Variants in JCHAIN observed in about 807,000 individuals in gnomAD.
The protein encoded by JCHAIN is immunoglobulin J chain.
A neutral mutation model predicts 11.1 loss-of-function variants in JCHAIN; 5 were observed. The observed-to-expected ratio is 0.45, with a 90% CI of 0.24 to 0.95. The LOEUF is 0.95. Ranked by LOEUF, JCHAIN falls within the 40% of genes least tolerant of loss-of-function variation. The pLI is 0.21. For synonymous variants in JCHAIN, 51 were observed against 67.8 expected, an observed-to-expected ratio of 0.75 and a Z score of 1.22; for missense variants, 165 against 192.7, an observed-to-expected ratio of 0.86 and a Z score of 0.85.
intron 2 of JCHAIN, 115 bp downstream of exon 2, chr4:70,661,977 G>C: frequency 3.1e-6 from 3 of 969,718 alleles, no homozygotes; most frequent in Non-Finnish European, 4.8e-6. Context: ...CTCATGTAAA[G>C]TGCTACACAG....
chr4:70,658,393 A>G (rs1738995605), intron 2 of JCHAIN, among the ~76,000 whole-genome samples: 1 of 152,192 alleles, frequency 6.6e-6, no homozygotes. Context: ...CTCAAATAGC[A>G]TAGAAGGCAC....
rs145363741 is a variant in JCHAIN at position 70,666,451 on chromosome 4, A to C, written c.40T>G (p.Phe14Val). ...HLLFWGVLAV[F>V]IKAVHVKAQE... ...CCTTTCACATGAACAGCCTTAATAAAAACCGCCAGGACTCCCCAGAAAAGC... is the reference window on the plus strand; with the variant it reads ...CCTTTCACATGAACAGCCTTAATAACAACCGCCAGGACTCCCCAGAAAAGC... Residue 14 changes from phenylalanine to valine, a missense_variant, in exon 1 of 4, where the codon TTT (phenylalanine) becomes GTT (valine). Phe to Val is a conservative substitution (Grantham distance 50, BLOSUM62 -1). Transcript: ENST00000254801. The C allele has an allele frequency of 6.2e-7, 1 of 1,612,952 alleles. No homozygotes were observed. Among genetic ancestry groups the C allele is most frequent in the African/African-American group, 1.3e-5 (1 of 74,892 alleles).
At chr4:70,659,241 G>A (rs1219937354) in intron 2 of JCHAIN, among the ~76,000 whole-genome samples, 1 of 152,014 alleles carries the variant, frequency 6.6e-6, no homozygotes, top group Non-Finnish European at 1.5e-5. Flanking sequence ...AGTAAGTAAT[G>A]GAGTTGGGAA....
chr4:70,657,128 T>A (rs6834323), intron 3 of JCHAIN, 83 bp downstream of exon 3: 9,818 of 718,362 alleles, frequency 0.014, 549 homozygotes, highest in African/African-American at 0.13. Context: ...AACATATTTT[T>A]AAAAACATTC....
intron 2 of JCHAIN, 94 bp downstream of exon 2, chr4:70,661,998 A>T: frequency 8.4e-7 from 1 of 1,190,702 alleles, no homozygotes; most frequent in Non-Finnish European, 1.2e-6. Flanking sequence ...CAAAAAGGGG[A>T]GTAAAGAGGC....
intron 1 of JCHAIN, among the ~76,000 whole-genome samples, chr4:70,664,787 G>A (rs1327901881): frequency 6.6e-6 from 1 of 152,108 alleles, no homozygotes; most frequent in African/African-American, 2.4e-5. Flanking sequence ...GGAGTGACTT[G>A]ACTATTAAGT....
At chr4:70,662,261 T>TTA (rs1304835076) in intron 1 of JCHAIN, 46 bp from the exon 2 acceptor site, 1 of 1,551,302 alleles carries the variant, frequency 6.4e-7, no homozygotes, top group Non-Finnish European at 8.9e-7. Context: ...AAAGGTCAAT[T>TTA]TATATATTTT....
intron 2 of JCHAIN, 29 bp downstream of exon 2, chr4:70,662,063 G>GA (rs1223712591): frequency 1.2e-6 from 2 of 1,609,032 alleles, no homozygotes; most frequent in African/African-American, 1.3e-5. Flanking sequence ...CTTAGAACAG[G>GA]AAAAAAAGGA....
chr4:70,662,352 T>C, intron 1 of JCHAIN, 137 bp from the exon 2 acceptor site: 1 of 717,958 alleles, frequency 1.4e-6, no homozygotes, highest in East Asian at 2.7e-5. Flanking sequence ...ATTTGTTCTC[T>C]AAGCAGAATC....
At chr4:70,666,220 G>A (rs1739150443) in intron 1 of JCHAIN, among the ~76,000 whole-genome samples, 4 of 152,010 alleles carry the variant, frequency 2.6e-5, no homozygotes, top group African/African-American at 7.2e-5. Flanking sequence ...TTTGTAGTAG[G>A]CAAACAAGTA....
At chr4:70,662,672 T>A (rs775253456) in intron 1 of JCHAIN, among the ~76,000 whole-genome samples, 1 of 152,148 alleles carries the variant, frequency 6.6e-6, no homozygotes, top group Admixed American at 6.5e-5. Flanking sequence ...TTATAAGAAT[T>A]ATTTTAAGCA....
intron 2 of JCHAIN, among the ~76,000 whole-genome samples, chr4:70,658,307 T>G (rs1420856943): frequency 2.0e-5 from 3 of 152,168 alleles, no homozygotes; most frequent in Non-Finnish European, 4.4e-5. Flanking sequence ...TTGCCAAACA[T>G]CCTTTCTAAA....
Position 70,662,092 on chromosome 4 carries a change from A to G in JCHAIN, c.188T>C (p.Ile63Thr), listed in dbSNP as rs1352637264. The G allele has an allele frequency of 6.2e-7, 1 of 1,613,634 alleles. No homozygotes were observed. The highest frequency in any genetic ancestry group is 8.5e-7 in the Non-Finnish European group (1 of 1,179,782). ...AAAAGGAATATGGAATGCCACATACATAATTCGGATGTTTCTCTCCACAAT... is the reference window on the plus strand; with the variant it reads ...AAAAGGAATATGGAATGCCACATACGTAATTCGGATGTTTCTCTCCACAAT... ...EDIVERNIRI[I>T]VPLNNRENIS... Residue 63 changes from isoleucine to threonine, a missense_variant and splice_region_variant, in exon 2 of 4, where the codon ATT becomes ACT. Physicochemically the swap from Ile to Thr is moderately conservative, Grantham distance 89 (BLOSUM62 -1). Transcript: ENST00000254801.
Position 70,655,979 on chromosome 4 carries a change from C to G in JCHAIN, c.*350G>C, listed in dbSNP as rs1478998766. 1 of 157,620 alleles carries G rather than the reference C, an allele frequency of 6.3e-6. No homozygotes were observed. The highest frequency in any genetic ancestry group is 1.4e-5 in the Non-Finnish European group (1 of 73,992). The allele number at this position is 157,620 out of a possible 1,614,324, so 9.8% of individuals were successfully genotyped here. ...AAAAAGCGGGGGGGAATGCGAGGAA[C>G]ATTTTATTACACCTCCTGATTTTCA... On this transcript the variant is annotated 3_prime_UTR_variant, in exon 4 of 4. Transcript: ENST00000254801.
At chr4:70,658,826 C>A (rs1739002802) in intron 2 of JCHAIN, among the ~76,000 whole-genome samples, 1 of 152,318 alleles carries the variant, frequency 6.6e-6, no homozygotes, top group Non-Finnish European at 1.5e-5. Context: ...ACTCCTATAA[C>A]AACCCATGCC....
intron 2 of JCHAIN, among the ~76,000 whole-genome samples, chr4:70,659,551 A>AAT (rs1739016043): frequency 9.0e-6 from 1 of 110,760 alleles, no homozygotes; most frequent in Non-Finnish European, 1.8e-5. Context: ...CTCTGTCTCA[A>AAT]AAAAAAAAAA....
At position 70,656,320 on chromosome 4, in the gene JCHAIN, T is replaced by A; in HGVS notation, c.*9A>T. 6.3e-7 allele frequency: 1 copy of A among 1,598,208 alleles called. No individual in the cohort carries two copies. Among genetic ancestry groups the A allele is most frequent in the East Asian group, 2.2e-5 (1 of 44,806 alleles). On this transcript the variant is annotated 3_prime_UTR_variant, in exon 4 of 4. Transcript: ENST00000254801. ...AGAAAAAGAGCTATGCAGTCAGCAATGACTTAAATTAGTCAGGATAGCAGG... is the reference window on the plus strand; with the variant it reads ...AGAAAAAGAGCTATGCAGTCAGCAAAGACTTAAATTAGTCAGGATAGCAGG...
At chr4:70,663,326 G>A (rs988524011) in intron 1 of JCHAIN, 4 of 151,828 alleles carry the variant, frequency 2.6e-5, no homozygotes, top group African/African-American at 9.7e-5. Context: ...AAGTAGCTGG[G>A]ACTACAGGTG....
In JCHAIN at chr4:70,656,287, G is replaced by C. The variant is rs374362054; in HGVS notation, c.*42C>G. 4 of 1,306,214 alleles carry C rather than the reference G, an allele frequency of 3.1e-6. No individual in the cohort carries two copies. The highest frequency in any genetic ancestry group is 2.3e-5 in the East Asian group (1 of 42,880). 80.9% of individuals were successfully genotyped at this position (1,306,214 alleles called of 1,614,324 possible). A position where few individuals can be genotyped will look rare whatever the true frequency, so the allele number is the denominator to read the frequency against. On this transcript the variant is annotated 3_prime_UTR_variant, in exon 4 of 4. Transcript: ENST00000254801. ...CTAACTTTCTGAATCAAAATGGAGA[G>C]CCTCTCAAGAAAAAGAGCTATGCAG...
Sources: gnomAD v4.1 joint callset for allele counts (sites outside exome capture counted in the v4.1 genomes callset) on GRCh38, gnomAD v4.1.1 for gene constraint, MANE v1.5 for transcripts, NCBI Gene and HGNC (gene_info 2026-07-23, HGNC 2026-07-21) for gene names.